ATE1: variants seen among roughly 807,000 people sequenced by gnomAD.
ATE1 encodes arginyl-tRNA--protein transferase 1.
Under a neutral mutation model 70.5 loss-of-function variants are expected in ATE1, and 36 were observed. That is an observed-to-expected ratio of 0.51 (90% CI 0.39 to 0.67). ATE1 has a LOEUF of 0.67. ATE1 is among the 30% of genes least tolerant of loss of function. The pLI, the probability that ATE1 is intolerant of heterozygous loss-of-function variation, is 0.00. For missense variants in ATE1, 593 were observed against 629.5 expected, an observed-to-expected ratio of 0.94 and a Z score of 0.62; for synonymous variants, 232 against 219.3, an observed-to-expected ratio of 1.06 and a Z score of -0.51.
At chr10:121,873,025 T>C (rs775231248) in intron 7 of ATE1, among the ~76,000 whole-genome samples, 9 of 152,180 alleles carry the variant, frequency 5.9e-5, no homozygotes, top group Non-Finnish European at 4.4e-5. Context: ...TAGGTTAACA[T>C]AGCCATATTC....
intron 11 of ATE1, among the ~76,000 whole-genome samples, chr10:121,774,775 G>A (rs192217342): frequency 3.3e-5 from 5 of 152,062 alleles, no homozygotes; most frequent in Middle Eastern, 3.4e-3. Context: ...TCTGCTGTTC[G>A]CTCAACAAAG....
chr10:121,767,950 T>C lies in ATE1; in HGVS notation c.1378+22219A>G, dbSNP rs1439246938. Among the ~76,000 whole-genome samples the C allele has an allele frequency of 2.6e-5, 4 of 152,176 alleles. No individual in the cohort carries two copies. In the East Asian group the frequency reaches 7.7e-4, roughly 29 times the overall value. On this transcript the variant is annotated intron_variant, in intron 11 of 11. Transcript: ENST00000224652. ...ATGGTCATAGCAGCATCATTCACAA[T>C]AGCCAAAAGGTGAAGCAACCCAATG...
chr10:121,847,838 G>A lies in ATE1; in HGVS notation c.976-6575C>T, dbSNP rs559042361. On this transcript the variant is annotated intron_variant, in intron 8 of 11. Transcript: ENST00000224652. ...TGTAATCCCAGCACTTTGGGAGGAC[G>A]AGGCGGGCAGATCATGAGCTCAGGA... 1.7e-4 allele frequency among the ~76,000 whole-genome samples: 26 copies of A among 150,400 alleles called. No homozygotes were observed. The South Asian group carries it at 2.5e-3, about 15-fold the overall frequency.
At chr10:121,824,023 C>T (rs1290562505) in intron 10 of ATE1, among the ~76,000 whole-genome samples, 12 of 152,178 alleles carry the variant, frequency 7.9e-5, no homozygotes, top group Admixed American at 7.8e-4. Context: ...CAGTAAAGAA[C>T]TGCTTTGACT....
In ATE1 at chr10:121,741,988, AAG is replaced by A. The variant is rs556427425; in HGVS notation, c.*1690_*1691del. The A allele has an allele frequency of 6.6e-5, 10 of 152,296 alleles. No homozygotes were observed. The South Asian group carries it at 2.1e-3, about 32-fold the overall frequency. The allele number at this position is 152,296 out of a possible 1,614,324, so 9.4% of individuals were successfully genotyped here. ...GAAGCTCTTTTCATTTTAGAGGAAA[AAG>A]AGAAAAAAGGCTCTATAGATTCTGA... On this transcript the variant is annotated 3_prime_UTR_variant, in exon 12 of 12. Coordinates refer to ENST00000224652, the MANE Select transcript of ATE1 (RefSeq NM_001001976.3).
intron 8 of ATE1, among the ~76,000 whole-genome samples, chr10:121,861,752 A>T (rs796707191): frequency 1.0e-4 from 5 of 49,812 alleles, no homozygotes; most frequent in Admixed American, 2.5e-4. Flanking sequence ...AGTATAATAA[A>T]AAAAAAAAAA....
At chr10:121,834,740 A>C (rs1948372170) in intron 10 of ATE1, among the ~76,000 whole-genome samples, 2 of 152,318 alleles carry the variant, frequency 1.3e-5, no homozygotes, top group Non-Finnish European at 2.9e-5. Flanking sequence ...ACAAAGACCC[A>C]GGTTAAAATA....
intron 3 of ATE1, among the ~76,000 whole-genome samples, chr10:121,914,316 C>T (rs998679755): frequency 1.3e-5 from 2 of 151,930 alleles, no homozygotes; most frequent in Non-Finnish European, 2.9e-5. Flanking sequence ...CCACCTGCCT[C>T]GGCCTCCCAA....
At chr10:121,810,431 T>C (rs1947272865) in intron 10 of ATE1, among the ~76,000 whole-genome samples, 1 of 151,914 alleles carries the variant, frequency 6.6e-6, no homozygotes, top group Non-Finnish European at 1.5e-5. Context: ...CCACCATGCC[T>C]GGCTAATTTT....
intron 11 of ATE1, among the ~76,000 whole-genome samples, chr10:121,746,340 A>G (rs1313984459): frequency 6.6e-6 from 1 of 152,176 alleles, no homozygotes; most frequent in Non-Finnish European, 1.5e-5. Context: ...GAGGCTCCAT[A>G]AATATTTGCT....
intron 8 of ATE1, among the ~76,000 whole-genome samples, chr10:121,853,294 G>A (rs538839657): frequency 1.3e-5 from 2 of 150,102 alleles, no homozygotes; most frequent in Non-Finnish European, 3.0e-5. Flanking sequence ...AACCCAGAAG[G>A]TGGAGCTTGC....
chr10:121,875,308 G>GTTTTTTTTT (rs869073193), intron 7 of ATE1, among the ~76,000 whole-genome samples: 4 of 12,564 alleles, frequency 3.2e-4, no homozygotes, highest in Admixed American at 7.7e-4. Flanking sequence ...GTTTTTTTTT[G>GTTTTTTTTT]TTTTTTTTTT....
intron 10 of ATE1, among the ~76,000 whole-genome samples, chr10:121,834,083 T>C (rs559384221): frequency 6.3e-4 from 96 of 152,310 alleles, no homozygotes; most frequent in African/African-American, 2.2e-3. Context: ...ACACTAGCTG[T>C]TTCCTCAGTG....
chr10:121,744,454 C>A (rs1191571254), intron 11 of ATE1, among the ~76,000 whole-genome samples: 1 of 152,076 alleles, frequency 6.6e-6, no homozygotes, highest in African/African-American at 2.4e-5. Context: ...GCCTCCTGCA[C>A]CTTTATTATT....
At chr10:121,919,141 CTG>C (rs983987502) in intron 3 of ATE1, among the ~76,000 whole-genome samples, 22 of 152,266 alleles carry the variant, frequency 1.4e-4, no homozygotes, top group African/African-American at 5.3e-4. Context: ...CCCTTCCACA[CTG>C]TGGAAGGTTT....
chr10:121,836,915 T>C (rs1440275224), intron 9 of ATE1, 98 bp from the exon 10 acceptor site: 3 of 735,752 alleles, frequency 4.1e-6, no homozygotes, highest in Admixed American at 3.0e-5. Context: ...TAAAATCTGG[T>C]ATTAAGCTAT....
In ATE1 at chr10:121,902,344, C is replaced by CA. The variant is rs111546849; in HGVS notation, c.813+46dup. On this transcript the variant is annotated intron_variant, in intron 6 of 11. Transcript: ENST00000224652. The stretch of plus-strand genomic sequence containing the variant: ...AATAAAAATAAACGATATGCCCAAA[C>CA]AAAAAAAAATCATAATAAAACAAAC... 7,127 of 1,503,196 alleles carry CA rather than the reference C, an allele frequency of 4.7e-3. 57 individuals are homozygous for CA. The highest frequency in any genetic ancestry group is 0.029 in the African/African-American group (2,066 of 70,944). 93.1% of individuals were successfully genotyped at this position (1,503,196 alleles called of 1,614,324 possible). A position where few individuals can be genotyped will look rare whatever the true frequency, so the allele number is the denominator to read the frequency against.
At chr10:121,874,887 T>A in intron 7 of ATE1, among the ~76,000 whole-genome samples, 1 of 150,780 alleles carries the variant, frequency 6.6e-6, no homozygotes, top group East Asian at 2.0e-4. Context: ...ACGCCTGTAA[T>A]CCTAGCACTT....
chr10:121,897,347 C>T (rs1465390735), intron 7 of ATE1, among the ~76,000 whole-genome samples: 1 of 152,128 alleles, frequency 6.6e-6, no homozygotes, highest in Non-Finnish European at 1.5e-5. Flanking sequence ...CTCCAGAGCA[C>T]TAGGAAGGAG....
Sources: gnomAD v4.1 joint callset for allele counts (sites outside exome capture counted in the v4.1 genomes callset) on GRCh38, gnomAD v4.1.1 for gene constraint, MANE v1.5 for transcripts, NCBI Gene and HGNC (gene_info 2026-07-23, HGNC 2026-07-21) for gene names.